PXDNL: variants seen among roughly 807,000 people sequenced by gnomAD.
The protein encoded by PXDNL is probable oxidoreductase PXDNL.
PXDNL carries 145 observed loss-of-function variants against 150.8 expected under a neutral mutation model. That is an observed-to-expected ratio of 0.96 (90% CI 0.84 to 1.10). The LOEUF is 1.10. Among genes scored for constraint, PXDNL ranks in the 50% least tolerant of loss-of-function variants. The pLI, the probability that PXDNL is intolerant of heterozygous loss-of-function variation, is 0.00. For missense variants in PXDNL, 2,087 were observed against 1,873.9 expected (o/e 1.11, Z -2.10); for synonymous variants, 757 against 725.7 (o/e 1.04, Z -0.69).
intron 1 of PXDNL, among the ~76,000 whole-genome samples, chr8:51,772,237 T>TACAC (rs139112734): frequency 0.13 from 17,341 of 130,206 alleles, 1,738 homozygotes; most frequent in East Asian, 0.33. Context: ...TCTCTCTATA[T>TACAC]ACACACACAC....
chr8:51,772,471 T>C (rs2037309298), intron 1 of PXDNL, among the ~76,000 whole-genome samples: 2 of 152,136 alleles, frequency 1.3e-5, no homozygotes, highest in Non-Finnish European at 2.9e-5. Context: ...TAAGCTCGTC[T>C]AGGCAGACCT....
intron 1 of PXDNL, among the ~76,000 whole-genome samples, chr8:51,679,406 AC>A (rs1815694912): frequency 2.0e-5 from 3 of 152,190 alleles, no homozygotes; most frequent in African/African-American, 7.2e-5. Context: ...CACCTAAAAC[AC>A]CCTAGGTCAG....
Position 51,551,086 on chromosome 8 carries a change from C to CAAACAAACAAAA in PXDNL, c.380+5742_380+5753dup, listed in dbSNP as rs1554552019. On this transcript the variant is annotated intron_variant, in intron 4 of 22. Transcript: ENST00000356297. ...CAACAGCTGAAAAACAACAAACAAACAAACAAACAAAAACCTTACGAATAT... is the reference window on the plus strand; with the variant it reads ...CAACAGCTGAAAAACAACAAACAAACAAACAAACAAAAAAACAAACAAAAACCTTACGAATAT... 3.9e-3 allele frequency among the ~76,000 whole-genome samples: 587 copies of CAAACAAACAAAA among 151,782 alleles called. 3 individuals are homozygous for CAAACAAACAAAA. Among genetic ancestry groups the CAAACAAACAAAA allele is most frequent in the African/African-American group, 0.013 (548 of 41,454 alleles).
chr8:51,338,634 C>A (rs1805902588), intron 21 of PXDNL, among the ~76,000 whole-genome samples: 1 of 152,202 alleles, frequency 6.6e-6, no homozygotes, highest in African/African-American at 2.4e-5. Context: ...CTCACAGTGA[C>A]ATTACTGTCT....
At chr8:51,489,874 A>C (rs1810850509) in intron 5 of PXDNL, among the ~76,000 whole-genome samples, 1 of 152,214 alleles carries the variant, frequency 6.6e-6, no homozygotes, top group Non-Finnish European at 1.5e-5. Context: ...CATGTATTCC[A>C]GCAGAACAAA....
intron 1 of PXDNL, among the ~76,000 whole-genome samples, chr8:51,690,614 C>A (rs1293098746): frequency 6.6e-6 from 1 of 152,076 alleles, no homozygotes; most frequent in Non-Finnish European, 1.5e-5. Flanking sequence ...ATTGTGAATA[C>A]TGCCGCAATA....
chr8:51,463,597 G>C (rs572468728), intron 8 of PXDNL, among the ~76,000 whole-genome samples: 16 of 152,242 alleles, frequency 1.1e-4, no homozygotes, highest in African/African-American at 3.9e-4. Context: ...AATTAAATTT[G>C]ACACTTGACC....
chr8:51,491,402 T>A (rs1247092801), intron 5 of PXDNL, among the ~76,000 whole-genome samples: 4 of 152,220 alleles, frequency 2.6e-5, no homozygotes, highest in Non-Finnish European at 5.9e-5. Context: ...GCTCGAGTTT[T>A]CTTTCAGGAG....
intron 2 of PXDNL, among the ~76,000 whole-genome samples, chr8:51,643,484 T>A (rs1042941555): frequency 3.7e-4 from 56 of 152,290 alleles, no homozygotes; most frequent in African/African-American, 9.4e-4. Context: ...AAAACTGGCC[T>A]GCCATATGTA....
At chr8:51,437,653 A>C (rs189121933) in intron 12 of PXDNL, among the ~76,000 whole-genome samples, 9 of 152,334 alleles carry the variant, frequency 5.9e-5, no homozygotes, top group Admixed American at 5.2e-4. Context: ...TTATGACTAA[A>C]ACCCTCACCA....
chr8:51,720,867 A>G (rs1816716599), intron 1 of PXDNL, among the ~76,000 whole-genome samples: 1 of 152,248 alleles, frequency 6.6e-6, no homozygotes, highest in Admixed American at 6.5e-5. Flanking sequence ...AAGGCAAGAT[A>G]AGAGCAAGTG....
chr8:51,411,251 T>G lies in PXDNL; in HGVS notation c.2061A>C (p.Lys687Asn). The change falls in exon 16 of 23, where the codon AAA (lysine) becomes AAC (asparagine). Residue 687 changes from lysine to asparagine, a missense_variant and splice_region_variant. Transcript: ENST00000356297. The part of the protein sequence containing the change: ...KQGLTVDLEG[K>N]EFRYNDLVSP... Reference sequence around the variant, plus strand: ...GAATAAAATGGCTTTGTGGCTGACCTTTGCCTTCCAAGTCCACAGTGAGCC... The same window carrying G: ...GAATAAAATGGCTTTGTGGCTGACCGTTGCCTTCCAAGTCCACAGTGAGCC... 1.4e-6 allele frequency: 2 copies of G among 1,463,340 alleles called. No individual in the cohort carries two copies. Among genetic ancestry groups the G allele is most frequent in the Non-Finnish European group, 9.0e-7 (1 of 1,106,992 alleles). 90.6% of individuals were successfully genotyped at this position (1,463,340 alleles called of 1,614,324 possible). A position where few individuals can be genotyped will look rare whatever the true frequency, so the allele number is the denominator to read the frequency against.
chr8:51,535,224 C>G (rs1431107331), intron 4 of PXDNL, among the ~76,000 whole-genome samples: 1 of 135,406 alleles, frequency 7.4e-6, no homozygotes, highest in Non-Finnish European at 1.5e-5. Flanking sequence ...GTGTGCCCAG[C>G]GGCTCATTGG....
intron 1 of PXDNL, among the ~76,000 whole-genome samples, chr8:51,781,263 C>T (rs1261892437): frequency 2.0e-5 from 3 of 152,168 alleles, no homozygotes; most frequent in African/African-American, 7.2e-5. Flanking sequence ...AGGAAGCATG[C>T]AGCCTCTTAT....
chr8:51,765,481 G>A (rs939608728), intron 1 of PXDNL, among the ~76,000 whole-genome samples: 1 of 152,136 alleles, frequency 6.6e-6, no homozygotes, highest in Admixed American at 6.5e-5. Flanking sequence ...CATGAAAACT[G>A]ACTAATACAA....
At chr8:51,350,536 G>C (rs1053815253) in intron 19 of PXDNL, among the ~76,000 whole-genome samples, 1 of 151,872 alleles carries the variant, frequency 6.6e-6, no homozygotes, top group Non-Finnish European at 1.5e-5. Flanking sequence ...TGTATTATTA[G>C]TAGAGACGGG....
At chr8:51,493,711 C>T (rs1226848544) in intron 5 of PXDNL, among the ~76,000 whole-genome samples, 1 of 151,974 alleles carries the variant, frequency 6.6e-6, no homozygotes, top group Non-Finnish European at 1.5e-5. Flanking sequence ...TGAAATGAAG[C>T]AAGAAGAGAA....
chr8:51,795,529 C>T (rs1303421182), intron 1 of PXDNL, among the ~76,000 whole-genome samples: 1 of 152,164 alleles, frequency 6.6e-6, no homozygotes, highest in Non-Finnish European at 1.5e-5. Context: ...AATTGAACAA[C>T]CTGCTCCTGA....
intron 8 of PXDNL, among the ~76,000 whole-genome samples, chr8:51,464,842 T>C (rs1230129314): frequency 6.6e-6 from 1 of 152,156 alleles, no homozygotes; most frequent in African/African-American, 2.4e-5. Flanking sequence ...GTTCTGCACA[T>C]GTATCCCAGA....
Sources: gnomAD v4.1 joint callset for allele counts (sites outside exome capture counted in the v4.1 genomes callset) on GRCh38, gnomAD v4.1.1 for gene constraint, MANE v1.5 for transcripts, NCBI Gene and HGNC (gene_info 2026-07-23, HGNC 2026-07-21) for gene names.